The following DPYD variants were observed in gnomAD, a reference collection of about 807,000 sequenced individuals.
The protein encoded by DPYD is dihydropyrimidine dehydrogenase.
DPYD carries 109 observed loss-of-function variants against 116.2 expected under a neutral mutation model. That is an observed-to-expected ratio of 0.94 (90% confidence interval 0.80 to 1.10). The LOEUF (loss-of-function observed/expected upper bound fraction) is 1.10. Ranked by LOEUF, DPYD falls within the 50% of genes least tolerant of loss-of-function variation. The pLI is 0.00. For synonymous variants in DPYD, 440 were observed against 432.0 expected (o/e 1.02, Z -0.23); for missense variants, 1,302 against 1,254.5 (o/e 1.04, Z -0.57).
rs945562208 is a variant in DPYD at position 97,318,451 on chromosome 1, T to C, written c.2059-12154A>G. ...CAATCCTAGTCTCTGATAAAACAGA[T>C]TGTAAACCAACAAAGATCAAAAGGG... On this transcript the variant is annotated intron_variant, in intron 16 of 22. Transcript: ENST00000370192. Among the ~76,000 whole-genome samples the C allele has an allele frequency of 1.4e-4, 21 of 150,384 alleles. No homozygotes were observed. In the East Asian group the frequency reaches 1.6e-3, roughly 11 times the overall value.
chr1:97,870,291 T>G (rs1671592407), intron 2 of DPYD, among the ~76,000 whole-genome samples: 1 of 151,790 alleles, frequency 6.6e-6, no homozygotes, highest in South Asian at 2.1e-4. Context: ...TATAACACAT[T>G]TTTTTTGTAA....
intron 14 of DPYD, among the ~76,000 whole-genome samples, chr1:97,432,675 AT>A (rs759028019): frequency 1.2e-3 from 185 of 152,134 alleles, no homozygotes; most frequent in Non-Finnish European, 2.0e-3. Context: ...TGAGTGCCAG[AT>A]GGTTTCTGTA....
chr1:97,560,884 C>T (rs961621235), intron 11 of DPYD, among the ~76,000 whole-genome samples: 2 of 152,060 alleles, frequency 1.3e-5, no homozygotes, highest in Non-Finnish European at 2.9e-5. Context: ...ATGAACCAGT[C>T]ACGTGATGAC....
chr1:97,778,522 T>C (rs1666552130), intron 3 of DPYD, among the ~76,000 whole-genome samples: 1 of 152,148 alleles, frequency 6.6e-6, no homozygotes. Flanking sequence ...TAATGCTATT[T>C]ATTAAATCCT....
At chr1:97,745,080 T>C (rs1287376052) in intron 3 of DPYD, among the ~76,000 whole-genome samples, 1 of 152,076 alleles carries the variant, frequency 6.6e-6, no homozygotes, top group Non-Finnish European at 1.5e-5. Context: ...CTTCTCTTAA[T>C]AATCCATTAA....
intron 13 of DPYD, among the ~76,000 whole-genome samples, chr1:97,502,189 C>T (rs772376565): frequency 2.6e-5 from 4 of 152,086 alleles, no homozygotes; most frequent in Non-Finnish European, 5.9e-5. Flanking sequence ...GTGACCACTC[C>T]TTCATAGTTT....
intron 8 of DPYD, among the ~76,000 whole-genome samples, chr1:97,617,838 C>G (rs966179976): frequency 1.3e-5 from 2 of 152,166 alleles, no homozygotes; most frequent in African/African-American, 4.8e-5. Flanking sequence ...GATTCCTACA[C>G]GCATTAAAGT....
intron 4 of DPYD, among the ~76,000 whole-genome samples, chr1:97,722,908 G>A (rs963519513): frequency 2.6e-5 from 4 of 151,224 alleles, no homozygotes; most frequent in African/African-American, 7.3e-5. Flanking sequence ...AGGACCAAAC[G>A]CCTGATAATA....
At chr1:97,540,362 CAAAACAAAACAAAACA>C (rs1168937475) in intron 12 of DPYD, among the ~76,000 whole-genome samples, 3 of 103,132 alleles carry the variant, frequency 2.9e-5, no homozygotes, top group African/African-American at 9.0e-5. Flanking sequence ...GGGCAGGGAA[CAAAACAAAACAAAACA>C]AAACAAAACA....
At chr1:97,908,811 T>C (rs1673776505) in intron 1 of DPYD, among the ~76,000 whole-genome samples, 1 of 152,076 alleles carries the variant, frequency 6.6e-6, no homozygotes, top group African/African-American at 2.4e-5. Context: ...CATCTCATTC[T>C]CCTATGCTGA....
intron 8 of DPYD, among the ~76,000 whole-genome samples, chr1:97,662,929 G>A (rs1659350921): frequency 6.6e-6 from 1 of 152,172 alleles, no homozygotes; most frequent in African/African-American, 2.4e-5. Context: ...TTCTCGTTCT[G>A]CATAGGGTGG....
chr1:97,903,334 C>T (rs539709801), intron 1 of DPYD, among the ~76,000 whole-genome samples: 2 of 151,642 alleles, frequency 1.3e-5, no homozygotes, highest in South Asian at 2.1e-4. Context: ...AGTTTTAATC[C>T]GAATGAATGA....
chr1:97,903,973 GGCACT>G (rs1481549216), intron 1 of DPYD, among the ~76,000 whole-genome samples: 1 of 151,802 alleles, frequency 6.6e-6, no homozygotes, highest in African/African-American at 2.4e-5. Context: ...AGACCCAGTG[GGCACT>G]GGAGAGAGGA....
intron 1 of DPYD, among the ~76,000 whole-genome samples, chr1:97,893,709 T>A (rs1218727329): frequency 6.6e-6 from 1 of 151,444 alleles, no homozygotes; most frequent in East Asian, 2.0e-4. Context: ...ACACAAATAG[T>A]TTACACATTT....
At chr1:97,877,060 A>G (rs1471303088) in intron 2 of DPYD, among the ~76,000 whole-genome samples, 1 of 152,020 alleles carries the variant, frequency 6.6e-6, no homozygotes, top group Non-Finnish European at 1.5e-5. Flanking sequence ...GGGTAAATGA[A>G]AGATGGAGAA....
intron 1 of DPYD, among the ~76,000 whole-genome samples, chr1:97,893,653 C>A (rs2101665943): frequency 6.6e-6 from 1 of 151,360 alleles, no homozygotes; most frequent in African/African-American, 2.4e-5. Context: ...GAATGCTCAT[C>A]ATATCGCCTG....
chr1:97,394,295 A>G (rs1205040793), intron 14 of DPYD: 1 of 152,048 alleles, frequency 6.6e-6, no homozygotes, highest in Non-Finnish European at 1.5e-5. Flanking sequence ...TCTTTAGTTT[A>G]ATTAGATCCC....
At chr1:97,285,562 C>G (rs867856415) in intron 18 of DPYD, among the ~76,000 whole-genome samples, 1 of 152,148 alleles carries the variant, frequency 6.6e-6, no homozygotes, top group African/African-American at 2.4e-5. Context: ...AGGACTACTA[C>G]TGCTGAATCC....
chr1:97,282,225 G>C (rs988246032), intron 18 of DPYD, among the ~76,000 whole-genome samples: 8 of 152,006 alleles, frequency 5.3e-5, no homozygotes, highest in Admixed American at 3.3e-4. Context: ...CATAGACCTT[G>C]ATTCTGAAGC....
Sources: allele counts gnomAD v4.1 joint callset (sites outside exome capture counted in the v4.1 genomes callset), GRCh38; gene constraint gnomAD v4.1.1; transcripts MANE v1.5; gene names NCBI Gene and HGNC (gene_info 2026-07-23, HGNC 2026-07-21).